B3GALT1: variants seen among roughly 807,000 people sequenced by gnomAD.
The protein encoded by B3GALT1 is UDP-Gal:betaGlcNAc beta 1,3-galactosyltransferase, polypeptide 1.
In B3GALT1, 10 loss-of-function variants were observed where a neutral mutation model predicts 23.2. The ratio of observed to expected loss-of-function variants is 0.43; its 90% confidence interval spans 0.27 to 0.73. The LOEUF (loss-of-function observed/expected upper bound fraction) is 0.73. Among genes scored for constraint, B3GALT1 ranks in the 30% least tolerant of loss-of-function variants. The pLI is 0.21. For missense variants in B3GALT1, 299 were observed against 405.4 expected (o/e 0.74, Z 2.25); for synonymous variants, 156 against 141.5 (o/e 1.10, Z -0.73).
chr2:167,631,772 T>TCTTTTTTTTTTTTTTTTTTTTTTTTTC (rs200632894), intron 2 of B3GALT1, among the ~76,000 whole-genome samples: 1 of 137,066 alleles, frequency 7.3e-6, no homozygotes, highest in Non-Finnish European at 1.6e-5. Context: ...TTCTTTTCTT[T>TCTTTTTTTTTTTTTTTTTTTTTTTTTC]TTTTTTTTTT....
chr2:167,774,472 G>A (rs542730965), intron 3 of B3GALT1, among the ~76,000 whole-genome samples: 4 of 111,932 alleles, frequency 3.6e-5, no homozygotes, highest in African/African-American at 1.4e-4. Flanking sequence ...GTGTTTATTG[G>A]TTTTTTTTTT....
At chr2:167,758,358 C>T (rs1027476327) in intron 3 of B3GALT1, among the ~76,000 whole-genome samples, 4 of 152,232 alleles carry the variant, frequency 2.6e-5, no homozygotes, top group Non-Finnish European at 4.4e-5. Flanking sequence ...CTCCCAGCCC[C>T]GAATCCTCCC....
chr2:167,322,684 T>C (rs1696832999), intron 1 of B3GALT1, among the ~76,000 whole-genome samples: 1 of 152,042 alleles, frequency 6.6e-6, no homozygotes, highest in Non-Finnish European at 1.5e-5. Context: ...TTGAAGAATT[T>C]GTCAAAAGAA....
intron 3 of B3GALT1, among the ~76,000 whole-genome samples, chr2:167,767,696 C>T (rs1186180694): frequency 6.6e-6 from 1 of 152,004 alleles, no homozygotes; most frequent in Non-Finnish European, 1.5e-5. Context: ...TTGAATTTAG[C>T]CTTAATTAAG....
At chr2:167,716,305 G>T (rs1203194720) in intron 3 of B3GALT1, among the ~76,000 whole-genome samples, 2 of 151,938 alleles carry the variant, frequency 1.3e-5, no homozygotes, top group Admixed American at 6.6e-5. Flanking sequence ...CTGAGGCAGC[G>T]CTGGTCCGAG....
At chr2:167,851,769 G>A (rs1329230312) in intron 4 of B3GALT1, among the ~76,000 whole-genome samples, 2 of 152,172 alleles carry the variant, frequency 1.3e-5, no homozygotes, top group African/African-American at 4.8e-5. Context: ...TCTGACAATT[G>A]TTCCAGGAAC....
In B3GALT1 at chr2:167,317,800, C is replaced by A. The variant is rs562835477; in HGVS notation, c.-511+24466C>A. Among the ~76,000 whole-genome samples the A allele has an allele frequency of 2.6e-5, 4 of 152,158 alleles. No individual in the cohort carries two copies. The East Asian group carries it at 7.7e-4, about 29-fold the overall frequency. ...CACATTGCAGAATTTAATCTTGAGACTATTTCATGTAAATGTGGGAAAACT... is the reference window on the plus strand; with the variant it reads ...CACATTGCAGAATTTAATCTTGAGAATATTTCATGTAAATGTGGGAAAACT... On this transcript the variant is annotated intron_variant, in intron 1 of 4. Transcript: ENST00000392690.
At position 167,783,105 on chromosome 2, in the gene B3GALT1, A is replaced by T. The variant is rs139153554; in HGVS notation, c.-351-35567A>T. ...GAATAAGGTGGATAATTTTAAACCC[A>T]CCACTTCTGCCTCCTGTGATGCCCC... On this transcript the variant is annotated intron_variant, in intron 3 of 4. Coordinates refer to ENST00000392690, the MANE Select transcript of B3GALT1 (RefSeq NM_020981.4). 2.0e-5 allele frequency among the ~76,000 whole-genome samples: 3 copies of T among 152,124 alleles called. No homozygotes were observed. In the East Asian group the frequency reaches 5.8e-4, roughly 29 times the overall value.
At chr2:167,342,598 AAAAAG>A (rs1295610269) in intron 1 of B3GALT1, among the ~76,000 whole-genome samples, 2 of 152,114 alleles carry the variant, frequency 1.3e-5, no homozygotes, top group African/African-American at 4.8e-5. Context: ...TCAAAAAAAA[AAAAAG>A]AAAAAAAAAC....
intron 1 of B3GALT1, among the ~76,000 whole-genome samples, chr2:167,429,240 C>T (rs1044967097): frequency 4.0e-5 from 6 of 149,876 alleles, no homozygotes; most frequent in African/African-American, 9.9e-5. Context: ...GAGATCGCGC[C>T]GCTGCACTCC....
At chr2:167,303,895 T>A (rs1294575012) in intron 1 of B3GALT1, among the ~76,000 whole-genome samples, 2 of 152,032 alleles carry the variant, frequency 1.3e-5, no homozygotes, top group Non-Finnish European at 2.9e-5. Flanking sequence ...TTGTTACCAA[T>A]AGGAGTGAGA....
chr2:167,715,468 C>T, intron 3 of B3GALT1: 1 of 1,606,924 alleles, frequency 6.2e-7, no homozygotes, highest in South Asian at 1.1e-5. Context: ...GTTCTTCAGT[C>T]ATTGGAAGAA....
At chr2:167,513,846 AT>A (rs1700063581) in intron 2 of B3GALT1, among the ~76,000 whole-genome samples, 1 of 152,142 alleles carries the variant, frequency 6.6e-6, no homozygotes, top group African/African-American at 2.4e-5. Flanking sequence ...TACTGCTGCT[AT>A]AAACTTATCT....
chr2:167,464,785 A>G (rs1248684679), intron 1 of B3GALT1, among the ~76,000 whole-genome samples: 1 of 152,206 alleles, frequency 6.6e-6, no homozygotes, highest in Non-Finnish European at 1.5e-5. Flanking sequence ...CAATGAATGA[A>G]GTTACAGTGA....
Position 167,516,687 on chromosome 2 carries a change from T to G in B3GALT1, c.-410+26410T>G, listed in dbSNP as rs1484528922. ...ATGATGCCTGGCACAAAATAGAAAC[T>G]ATATAACTTTAGCCACTGTTACTAT... is the stretch of plus-strand genomic sequence containing the variant. On this transcript the variant is annotated intron_variant, in intron 2 of 4. Transcript: ENST00000392690. Among the ~76,000 whole-genome samples the G allele has an allele frequency of 6.6e-5, 10 of 152,158 alleles. 1 individual carries two copies. In the East Asian group the frequency reaches 1.9e-3, roughly 29 times the overall value.
At chr2:167,296,307 C>T (rs907974022) in intron 1 of B3GALT1, among the ~76,000 whole-genome samples, 1 of 152,156 alleles carries the variant, frequency 6.6e-6, no homozygotes, top group African/African-American at 2.4e-5. Context: ...GTCAGATAGT[C>T]ACGATTAGTG....
intron 3 of B3GALT1, chr2:167,815,026 C>G (rs953803891): frequency 1.3e-5 from 2 of 152,258 alleles, no homozygotes; most frequent in Non-Finnish European, 1.5e-5. Context: ...GCAAGCTGGC[C>G]TGGCACGCAC....
chr2:167,737,893 G>T (rs1687517536), intron 3 of B3GALT1, among the ~76,000 whole-genome samples: 1 of 152,168 alleles, frequency 6.6e-6, no homozygotes, highest in African/African-American at 2.4e-5. Flanking sequence ...AACACTTGGT[G>T]GGAATTTTGG....
At chr2:167,693,699 T>C (rs937772876) in intron 3 of B3GALT1, among the ~76,000 whole-genome samples, 1 of 152,184 alleles carries the variant, frequency 6.6e-6, no homozygotes, top group Non-Finnish European at 1.5e-5. Flanking sequence ...TTTGACGTGC[T>C]ATCTGTTCTC....
Sources: allele counts gnomAD v4.1 joint callset (sites outside exome capture counted in the v4.1 genomes callset), GRCh38; gene constraint gnomAD v4.1.1; transcripts MANE v1.5; gene names NCBI Gene and HGNC (gene_info 2026-07-23, HGNC 2026-07-21).